MICU2: variants seen among roughly 807,000 people sequenced by gnomAD.
MICU2 encodes the protein calcium uptake protein 2, mitochondrial.
A neutral mutation model predicts 60.4 loss-of-function variants in MICU2; 64 were observed. The ratio of observed to expected loss-of-function variants is 1.06; its 90% CI spans 0.87 to 1.31. The LOEUF (loss-of-function observed/expected upper bound fraction) is 1.31. Ranked by LOEUF, MICU2 falls within the 50% of genes most tolerant of loss-of-function variation. The pLI is 0.00. For missense variants in MICU2, 569 were observed against 531.0 expected (o/e 1.07, Z -0.70); for synonymous variants, 201 against 175.0 (o/e 1.15, Z -1.17).
chr13:21,576,250 G>T (rs1245161897), intron 1 of MICU2, among the ~76,000 whole-genome samples: 1 of 152,144 alleles, frequency 6.6e-6, no homozygotes, highest in Non-Finnish European at 1.5e-5. Flanking sequence ...CTGGTATCTT[G>T]ATTTATCTTG....
At chr13:21,567,487 C>T (rs1482268954) in intron 1 of MICU2, among the ~76,000 whole-genome samples, 1 of 152,054 alleles carries the variant, frequency 6.6e-6, no homozygotes, top group Non-Finnish European at 1.5e-5. Context: ...GTCAGGAGGG[C>T]AACAGAACAT....
intron 4 of MICU2, among the ~76,000 whole-genome samples, chr13:21,538,103 C>T (rs1317338157): frequency 1.3e-5 from 2 of 152,024 alleles, no homozygotes; most frequent in African/African-American, 4.8e-5. Flanking sequence ...TTAGCTACTA[C>T]CCTCTAACTC....
intron 1 of MICU2, among the ~76,000 whole-genome samples, chr13:21,588,209 A>T (rs1440992545): frequency 1.3e-5 from 2 of 152,238 alleles, no homozygotes; most frequent in Non-Finnish European, 2.9e-5. Flanking sequence ...GACTTAAAAC[A>T]AACTTTGGCA....
intron 9 of MICU2, among the ~76,000 whole-genome samples, chr13:21,497,224 G>A (rs1350833125): frequency 6.6e-6 from 1 of 151,672 alleles, no homozygotes; most frequent in African/African-American, 2.4e-5. Context: ...AATTAGCTGG[G>A]TGTGGTGGTG....
rs963245962 is a variant in MICU2, at chr13:21,539,638, C to T, written c.390+19G>A. The stretch of plus-strand genomic sequence containing the variant: ...ATCTTACCAAAAACAAACCCTGCCC[C>T]CCACAACATGATGCTTACCTTTTTT... On this transcript the variant is annotated intron_variant, in intron 3 of 11. Coordinates refer to ENST00000382374, the MANE Select transcript of MICU2 (RefSeq NM_152726.3). 3 of 1,614,038 alleles carry T rather than the reference C, an allele frequency of 1.9e-6. No individual in the cohort carries two copies. The highest frequency in any genetic ancestry group is 2.2e-5 in the East Asian group (1 of 44,866).
intron 2 of MICU2, among the ~76,000 whole-genome samples, chr13:21,553,786 C>G (rs950962128): frequency 6.6e-6 from 1 of 152,098 alleles, no homozygotes; most frequent in East Asian, 1.9e-4. Flanking sequence ...TCAGGAAACC[C>G]GTCTCACATG....
In MICU2 at chr13:21,522,451, A is replaced by G. The variant is rs917353479; in HGVS notation, c.514+152T>C. 1.5e-5 allele frequency: 9 copies of G among 592,774 alleles called. No homozygotes were observed. In the African/African-American group the frequency reaches 1.7e-4, roughly 11 times the overall value. The allele number at this position is 592,774 out of a possible 1,614,324, so 36.7% of individuals were successfully genotyped here. A position where few individuals can be genotyped will look rare whatever the true frequency, so the allele number is the denominator to read the frequency against. Reference sequence around the variant, plus strand: ...GAGGCAGAAGTGACCCAAAGAGATAACCTAATCCAACATTATCATTTTGCA... The same window carrying G: ...GAGGCAGAAGTGACCCAAAGAGATAGCCTAATCCAACATTATCATTTTGCA... On this transcript the variant is annotated intron_variant, in intron 5 of 11. Coordinates refer to ENST00000382374, the MANE Select transcript of MICU2 (RefSeq NM_152726.3).
At chr13:21,518,768 G>A (rs1378824382) in intron 6 of MICU2, among the ~76,000 whole-genome samples, 1 of 152,128 alleles carries the variant, frequency 6.6e-6, no homozygotes, top group Non-Finnish European at 1.5e-5. Context: ...TAGCTGGATG[G>A]TATTTTGTGA....
rs950962128 is a variant in MICU2, at chr13:21,553,786, C to T, written c.358+13011G>A. Among the ~76,000 whole-genome samples, 34 of 152,216 alleles carry T rather than the reference C, an allele frequency of 2.2e-4. No homozygotes were observed. The East Asian group carries it at 2.7e-3, about 12-fold the overall frequency. ...ATCAGTGTGCTGTATTCAGGAAACC[C>T]GTCTCACATGCAGAGACACACATAG... On this transcript the variant is annotated intron_variant, in intron 2 of 11. Transcript: ENST00000382374.
chr13:21,545,771 G>A (rs942168223), intron 2 of MICU2, among the ~76,000 whole-genome samples: 2 of 152,118 alleles, frequency 1.3e-5, no homozygotes, highest in Admixed American at 6.5e-5. Context: ...GAAGAGATTT[G>A]TTAAAGGATA....
chr13:21,584,106 C>T (rs1490680028), intron 1 of MICU2, among the ~76,000 whole-genome samples: 1 of 152,110 alleles, frequency 6.6e-6, no homozygotes, highest in African/African-American at 2.4e-5. Context: ...ATGGTTTGCA[C>T]TGGCCAGGCA....
intron 2 of MICU2, among the ~76,000 whole-genome samples, chr13:21,563,198 G>A (rs1362414195): frequency 1.3e-5 from 2 of 152,118 alleles, no homozygotes; most frequent in East Asian, 3.9e-4. Flanking sequence ...GCTCATGCCT[G>A]TAATCCCAGC....
At chr13:21,521,360 T>C (rs1390544797) in intron 5 of MICU2, 33 bp from the exon 6 acceptor site, 2 of 1,571,600 alleles carry the variant, frequency 1.3e-6, no homozygotes, top group Non-Finnish European at 1.7e-6. Flanking sequence ...TATTTAAATG[T>C]TGATGAAAAC....
chr13:21,510,445 TGA>T (rs1566142038), intron 7 of MICU2, among the ~76,000 whole-genome samples: 3 of 152,194 alleles, frequency 2.0e-5, no homozygotes. Flanking sequence ...GAAGCAGCAC[TGA>T]GAGAGTTAAA....
intron 4 of MICU2, among the ~76,000 whole-genome samples, chr13:21,533,503 T>C (rs909294635): frequency 6.6e-6 from 1 of 151,960 alleles, no homozygotes; most frequent in Non-Finnish European, 1.5e-5. Flanking sequence ...TTTTGTATTT[T>C]TAGTAGAGAC....
intron 2 of MICU2, among the ~76,000 whole-genome samples, chr13:21,558,310 T>C (rs1291767814): frequency 6.6e-6 from 1 of 152,180 alleles, no homozygotes; most frequent in Non-Finnish European, 1.5e-5. Context: ...CATACCAAGA[T>C]GTTAAGCTCC....
intron 2 of MICU2, among the ~76,000 whole-genome samples, chr13:21,562,111 T>C (rs1409336500): frequency 4.6e-5 from 7 of 151,746 alleles, no homozygotes; most frequent in African/African-American, 1.7e-4. Context: ...CAGTCTATCA[T>C]TGTTGGACAT....
At chr13:21,571,245 G>A (rs1197229337) in intron 1 of MICU2, among the ~76,000 whole-genome samples, 3 of 152,106 alleles carry the variant, frequency 2.0e-5, no homozygotes, top group East Asian at 1.9e-4. Flanking sequence ...CAAAGAAAAC[G>A]GCTTGTAGAC....
chr13:21,558,253 T>C (rs1253618881), intron 2 of MICU2, among the ~76,000 whole-genome samples: 2 of 152,190 alleles, frequency 1.3e-5, no homozygotes, highest in Non-Finnish European at 2.9e-5. Context: ...TCAGTCACCC[T>C]GGGATGAGAG....
Sources: allele counts gnomAD v4.1 joint callset (sites outside exome capture counted in the v4.1 genomes callset), GRCh38; gene constraint gnomAD v4.1.1; transcripts MANE v1.5; gene names NCBI Gene and HGNC (gene_info 2026-07-23, HGNC 2026-07-21).